OPRM1: variants seen among roughly 807,000 people sequenced by gnomAD.
OPRM1 encodes opioid receptor mu 1, also known as mu-type opioid receptor.
OPRM1 carries 27 observed loss-of-function variants against 31.8 expected under a neutral mutation model. That is an observed-to-expected ratio of 0.85 (90% CI 0.63 to 1.17). OPRM1 has a LOEUF of 1.17. OPRM1 is among the 50% of genes most tolerant of loss of function. OPRM1 has a pLI of 0.00. For missense variants in OPRM1, 536 were observed against 511.1 expected, an observed-to-expected ratio of 1.05 and a Z score of -0.47; for synonymous variants, 196 against 189.9, an observed-to-expected ratio of 1.03 and a Z score of -0.26.
chr6:154,145,616 G>T (rs1798339835), intron 3 of OPRM1, among the ~76,000 whole-genome samples: 1 of 152,244 alleles, frequency 6.6e-6, no homozygotes, highest in South Asian at 2.1e-4. Context: ...GGGTTTTGTA[G>T]ATGTAGACAA....
At chr6:154,093,388 C>T (rs1475451654) in intron 3 of OPRM1, 1 of 1,614,170 alleles carries the variant, frequency 6.2e-7, no homozygotes. Context: ...CTTCACTCGT[C>T]CTGCCTTCGT....
chr6:154,198,060 T>C (rs1776763880), intron 3 of OPRM1, among the ~76,000 whole-genome samples: 1 of 152,154 alleles, frequency 6.6e-6, no homozygotes, highest in African/African-American at 2.4e-5. Context: ...CAATACACAA[T>C]AGGCAATCAA....
intron 3 of OPRM1, chr6:154,155,127 T>A (rs1446405990): frequency 6.6e-6 from 1 of 152,166 alleles, no homozygotes; most frequent in Non-Finnish European, 1.5e-5. Context: ...AGGGAATTGC[T>A]TCCTGCCCCA....
chr6:154,082,387 A>G lies in OPRM1; in HGVS notation c.291-7439A>G, dbSNP rs181026818. On this transcript the variant is annotated intron_variant, in intron 1 of 3. Coordinates refer to ENST00000330432, the MANE Select transcript of OPRM1 (RefSeq NM_000914.5). The stretch of plus-strand genomic sequence containing the variant: ...TGTACAATGTCATTACCAAAAGTGT[A>G]TATTAAGCCTCATATTTGTTGTACT... 1.1e-3 allele frequency among the ~76,000 whole-genome samples: 169 copies of G among 152,298 alleles called. 1 individual carries two copies. The highest frequency in any genetic ancestry group is 6.8e-3 in the Middle Eastern group (2 of 294).
intron 1 of OPRM1, among the ~76,000 whole-genome samples, chr6:154,027,533 G>T (rs922941318): frequency 6.6e-6 from 1 of 152,294 alleles, no homozygotes; most frequent in South Asian, 2.1e-4. Flanking sequence ...AGGTGGCAAA[G>T]CCAACCAGGC....
chr6:154,023,692 T>C (rs2128383301), intron 1 of OPRM1, among the ~76,000 whole-genome samples: 1 of 152,240 alleles, frequency 6.6e-6, no homozygotes, highest in African/African-American at 2.4e-5. Context: ...GTTTGTCATA[T>C]ATAGCTTTTA....
chr6:154,034,822 C>A (rs1779209259), upstream of OPRM1, among the ~76,000 whole-genome samples: 1 of 151,986 alleles, frequency 6.6e-6, no homozygotes, highest in Admixed American at 6.6e-5. Context: ...AAATGAGGTT[C>A]CAGATTTTAG....
chr6:154,156,336 C>G (rs1196866654), intron 3 of OPRM1: 1 of 152,196 alleles, frequency 6.6e-6, no homozygotes, highest in Non-Finnish European at 1.5e-5. Context: ...ACACACGCTC[C>G]CAGTCAAACT....
At chr6:154,067,113 GA>G (rs1455931268) in intron 1 of OPRM1, among the ~76,000 whole-genome samples, 1 of 151,692 alleles carries the variant, frequency 6.6e-6, no homozygotes, top group Non-Finnish European at 1.5e-5. Flanking sequence ...AATATTTTTG[GA>G]AAACCAATTT....
At chr6:154,087,568 T>A (rs1790906475) in intron 1 of OPRM1, 1 of 985,326 alleles carries the variant, frequency 1.0e-6, no homozygotes, top group Non-Finnish European at 1.2e-6. Context: ...ATACCATGCG[T>A]CTTCTCAGGT....
intron 1 of OPRM1, among the ~76,000 whole-genome samples, chr6:154,011,205 A>G (rs540298322): frequency 1.3e-5 from 2 of 152,240 alleles, no homozygotes; most frequent in Admixed American, 6.5e-5. Context: ...TGTGGGTTAA[A>G]TGATAAAGTG....
At chr6:154,046,639 T>C (rs185906084) in intron 1 of OPRM1, 27 of 152,326 alleles carry the variant, frequency 1.8e-4, no homozygotes, top group African/African-American at 6.0e-4. Context: ...CTCCTTTCTT[T>C]ACCCATCCTT....
At chr6:154,034,016 GAAAGAAGTTCCACTTTTAAAAATATAATT>G (rs1343157358) in intron 1 of OPRM1, among the ~76,000 whole-genome samples, 17 of 152,268 alleles carry the variant, frequency 1.1e-4, no homozygotes, top group African/African-American at 3.9e-4. Context: ...AGAAAAACAC[GAAAGAAGTTCCACTTTTAAAAATATAATT>G]AATGGATCAG....
chr6:154,192,491 G>T (rs1583758371), intron 3 of OPRM1, among the ~76,000 whole-genome samples: 1 of 152,014 alleles, frequency 6.6e-6, no homozygotes, highest in Non-Finnish European at 1.5e-5. Context: ...GTCATGAAAA[G>T]AAATGGAAAA....
At chr6:154,087,387 G>T in intron 1 of OPRM1, 1 of 985,434 alleles carries the variant, frequency 1.0e-6, no homozygotes, top group South Asian at 4.7e-5. Flanking sequence ...ACTCAACCTC[G>T]TGTGACGGAA....
Position 154,091,458 on chromosome 6 carries a change from A to G in OPRM1, c.1150A>G (p.Arg384Gly), listed in dbSNP as rs1210793358. 2.5e-6 allele frequency: 4 copies of G among 1,612,028 alleles called. No individual in the cohort carries two copies. The highest frequency in any genetic ancestry group is 1.7e-6 in the Non-Finnish European group (2 of 1,179,830). Reference protein sequence around the residue: ...DHPSTANTVDRTNHQLENLEA... With the variant: ...DHPSTANTVDGTNHQLENLEA... ...CCCCTCCACGGCCAATACAGTGGAT[A>G]GAACTAATCATCAGGTACGCAGTCT... Residue 384 changes from arginine (R) to glycine (G), a missense_variant, in exon 3 of 4, where the codon AGA becomes GGA. Transcript: ENST00000330432.
intron 1 of OPRM1, among the ~76,000 whole-genome samples, chr6:154,077,639 G>T (rs1160353150): frequency 6.6e-6 from 1 of 151,832 alleles, no homozygotes; most frequent in African/African-American, 2.4e-5. Context: ...GCTGAGGCAG[G>T]AGAATCATTT....
intron 3 of OPRM1, among the ~76,000 whole-genome samples, chr6:154,206,200 C>T (rs1390493889): frequency 6.6e-6 from 1 of 152,190 alleles, no homozygotes; most frequent in Non-Finnish European, 1.5e-5. Context: ...ACATAAGCAG[C>T]TTGCAAATGC....
intron 3 of OPRM1, among the ~76,000 whole-genome samples, chr6:154,178,381 G>T (rs1030451325): frequency 6.6e-6 from 1 of 151,970 alleles, no homozygotes; most frequent in Admixed American, 6.6e-5. Flanking sequence ...GGATAACATG[G>T]CATATAATAT....
Sources: gnomAD v4.1 joint callset for allele counts (sites outside exome capture counted in the v4.1 genomes callset) on GRCh38, gnomAD v4.1.1 for gene constraint, MANE v1.5 for transcripts, NCBI Gene and HGNC (gene_info 2026-07-23, HGNC 2026-07-21) for gene names.